NFAT5: variants seen among roughly 807,000 people sequenced by gnomAD.
The protein encoded by NFAT5 is nuclear factor of activated T cells 5, also known as nuclear factor of activated T-cells 5.
NFAT5 carries 31 observed loss-of-function variants against 166.5 expected under a neutral mutation model. The observed-to-expected ratio is 0.19, with a 90% CI of 0.14 to 0.25. NFAT5 has a LOEUF of 0.25. Among genes scored for constraint, NFAT5 ranks in the 10% least tolerant of loss-of-function variants. NFAT5 has a pLI of 1.00. For missense variants in NFAT5, 1,449 were observed against 1,821.8 expected (o/e 0.80, Z 3.72); for synonymous variants, 612 against 639.7 (o/e 0.96, Z 0.65).
chr16:69,577,086 T>C (rs2016802633), intron 2 of NFAT5, among the ~76,000 whole-genome samples: 1 of 152,238 alleles, frequency 6.6e-6, no homozygotes, highest in Non-Finnish European at 1.5e-5. Flanking sequence ...TAATTTACTT[T>C]GGTTCTTTCT....
chr16:69,668,418 G>C (rs2036491194), intron 7 of NFAT5, among the ~76,000 whole-genome samples: 1 of 152,156 alleles, frequency 6.6e-6, no homozygotes, highest in African/African-American at 2.4e-5. Flanking sequence ...TTCAGGTTTT[G>C]AATTTCTTTG....
In NFAT5 at chr16:69,566,790, C is replaced by T. The variant is rs1240895838; in HGVS notation, c.73+416C>T. ...CGTCTTCTCTTACCGGGACCCTCCT[C>T]CCCAGCAAAGTTGCCCCCAAGCGGG... On this transcript the variant is annotated intron_variant, in intron 1 of 14. Coordinates refer to ENST00000349945, the MANE Select transcript of NFAT5 (RefSeq NM_138713.4). This position sits in a 1 kb window ranked among gnomAD's most constrained non-coding sequence, Gnocchi z 5.7. 1.3e-5 allele frequency among the ~76,000 whole-genome samples: 2 copies of T among 152,188 alleles called. No homozygotes were observed. The highest frequency in any genetic ancestry group is 2.9e-5 in the Non-Finnish European group (2 of 68,028).
At chr16:69,690,818 TG>T in intron 11 of NFAT5, 121 bp from the exon 12 acceptor site, 1 of 768,538 alleles carries the variant, frequency 1.3e-6, no homozygotes. Context: ...TTGTATCTCA[TG>T]CTACCATTGT....
chr16:69,633,586 A>G (rs910120396), intron 3 of NFAT5, among the ~76,000 whole-genome samples: 4 of 152,218 alleles, frequency 2.6e-5, no homozygotes, highest in East Asian at 3.8e-4. Flanking sequence ...CAGAAAGTTA[A>G]ACACTGCATG....
chr16:69,566,510 C>T lies in NFAT5; in HGVS notation c.73+136C>T. 2.6e-6 allele frequency: 2 copies of T among 762,258 alleles called. No homozygotes were observed. Among genetic ancestry groups the T allele is most frequent in the Non-Finnish European group, 4.4e-6 (2 of 449,450 alleles). 47.2% of individuals were successfully genotyped at this position (762,258 alleles called of 1,614,324 possible). A position where few individuals can be genotyped will look rare whatever the true frequency, so the allele number is the denominator to read the frequency against. On this transcript the variant is annotated intron_variant, in intron 1 of 14. Coordinates refer to ENST00000349945, the MANE Select transcript of NFAT5 (RefSeq NM_138713.4). The surrounding 1 kb of genome is among the most constrained non-coding windows in gnomAD (Gnocchi z 5.7). Reference sequence around the variant, plus strand: ...ACCCCCATGGCTTCTTTGGCCGGAGCGGGCAGAGGCCGAAGGGATCGGGGT... The same window carrying T: ...ACCCCCATGGCTTCTTTGGCCGGAGTGGGCAGAGGCCGAAGGGATCGGGGT...
chr16:69,609,739 G>A (rs764459181), intron 2 of NFAT5, among the ~76,000 whole-genome samples: 12 of 147,348 alleles, frequency 8.1e-5, no homozygotes, highest in Non-Finnish European at 1.8e-4. Flanking sequence ...CCGGCACTTC[G>A]AGAGGCCAAG....
intron 4 of NFAT5, among the ~76,000 whole-genome samples, chr16:69,652,384 A>C (rs1052306057): frequency 6.6e-6 from 1 of 151,708 alleles, no homozygotes; most frequent in Non-Finnish European, 1.5e-5. Flanking sequence ...CCCAGGAAAC[A>C]GAGGTTACAG....
At chr16:69,601,710 A>C (rs968374916) in intron 2 of NFAT5, among the ~76,000 whole-genome samples, 4 of 152,216 alleles carry the variant, frequency 2.6e-5, no homozygotes, top group African/African-American at 9.7e-5. Flanking sequence ...TAATTAGCCA[A>C]TCCTTTGGTG....
intron 2 of NFAT5, among the ~76,000 whole-genome samples, chr16:69,570,768 C>G (rs1210871579): frequency 1.3e-5 from 2 of 152,070 alleles, no homozygotes; most frequent in African/African-American, 4.8e-5. Context: ...AATTGTAGGC[C>G]ATGCTGCTAG....
Position 69,697,825 on chromosome 16 carries a change from A to C in NFAT5, c.*1474A>C, listed in dbSNP as rs1235141033. 2 of 152,552 alleles carry C rather than the reference A, an allele frequency of 1.3e-5. No individual in the cohort carries two copies. The highest frequency in any genetic ancestry group is 6.5e-5 in the Admixed American group (1 of 15,278). The allele number at this position is 152,552 out of a possible 1,614,324, so 9.4% of individuals were successfully genotyped here. A position where few individuals can be genotyped will look rare whatever the true frequency, so the allele number is the denominator to read the frequency against. On this transcript the variant is annotated 3_prime_UTR_variant, in exon 15 of 15. Transcript: ENST00000349945. ...AAGCTGTCAATGCAGTGTAAGGCCA[A>C]CGTGTGTGTGGCTTCTATGTGTTGA... is the stretch of plus-strand genomic sequence containing the variant.
chr16:69,635,023 G>GTTTTTTTTTT (rs530661389), intron 3 of NFAT5, among the ~76,000 whole-genome samples: 3 of 105,268 alleles, frequency 2.8e-5, no homozygotes, highest in Non-Finnish European at 3.6e-5. Flanking sequence ...TGTTAGTAAA[G>GTTTTTTTTTT]TTTTTTTTTT....
At chr16:69,579,482 G>C (rs561982350) in intron 2 of NFAT5, among the ~76,000 whole-genome samples, 1 of 151,858 alleles carries the variant, frequency 6.6e-6, no homozygotes, top group Non-Finnish European at 1.5e-5. Context: ...TAGGTAATTA[G>C]GTAGTTGAAA....
At chr16:69,641,345 T>C (rs1438683873) in intron 3 of NFAT5, among the ~76,000 whole-genome samples, 2 of 149,970 alleles carry the variant, frequency 1.3e-5, no homozygotes, top group African/African-American at 4.9e-5. Context: ...TATTTTTGAA[T>C]AGTCAATAAT....
rs541891371 is a variant in NFAT5 at position 69,670,399 on chromosome 16, A to G, written c.1557+111A>G. Reference sequence around the variant, plus strand: ...TAAATTTCTTCTTCCTATGGGATTGATATGAATTATTTAAAGTTTCTTTCT... The same window carrying G: ...TAAATTTCTTCTTCCTATGGGATTGGTATGAATTATTTAAAGTTTCTTTCT... On this transcript the variant is annotated intron_variant, in intron 9 of 14. Coordinates refer to ENST00000349945, the MANE Select transcript of NFAT5 (RefSeq NM_138713.4). 3.3e-4 allele frequency: 217 copies of G among 648,562 alleles called. 1 individual carries two copies. The highest frequency in any genetic ancestry group is 4.9e-4 in the Non-Finnish European group (188 of 381,370). 40.2% of individuals were successfully genotyped at this position (648,562 alleles called of 1,614,324 possible).
intron 3 of NFAT5, among the ~76,000 whole-genome samples, chr16:69,634,590 C>G (rs574449093): frequency 1.4e-4 from 22 of 152,102 alleles, no homozygotes; most frequent in Non-Finnish European, 2.8e-4. Context: ...ATTTATTCTT[C>G]CCATATAATT....
intron 2 of NFAT5, among the ~76,000 whole-genome samples, chr16:69,586,734 C>G (rs899306265): frequency 2.6e-5 from 4 of 151,990 alleles, no homozygotes; most frequent in African/African-American, 9.7e-5. Flanking sequence ...TTTTAATATG[C>G]TTGGTTGATT....
intron 7 of NFAT5, among the ~76,000 whole-genome samples, chr16:69,665,297 T>C: frequency 6.8e-6 from 1 of 147,374 alleles, no homozygotes; most frequent in African/African-American, 2.5e-5. Context: ...CTATTCAACA[T>C]AGTGTTGGAA....
At chr16:69,648,265 T>C (rs1289831242) in intron 4 of NFAT5, 1 of 985,106 alleles carries the variant, frequency 1.0e-6, no homozygotes, top group Non-Finnish European at 1.2e-6. Flanking sequence ...CTAAGAGCTA[T>C]GTTCTCTTTC....
chr16:69,635,595 G>A (rs1260764782), intron 3 of NFAT5, among the ~76,000 whole-genome samples: 2 of 152,248 alleles, frequency 1.3e-5, no homozygotes, highest in Middle Eastern at 3.4e-3. Flanking sequence ...TGGACTTACA[G>A]TTCCACATGG....
Sources: allele counts gnomAD v4.1 joint callset (sites outside exome capture counted in the v4.1 genomes callset), GRCh38; gene constraint gnomAD v4.1.1; non-coding constraint Gnocchi (gnomAD v3.1); transcripts MANE v1.5; gene names NCBI Gene and HGNC (gene_info 2026-07-23, HGNC 2026-07-21).